SETMAR: variants seen among roughly 807,000 people sequenced by gnomAD.
SETMAR encodes histone-lysine N-methyltransferase SETMAR.
SETMAR carries 44 observed loss-of-function variants against 58.4 expected under a neutral mutation model. That is an observed-to-expected ratio of 0.75 (90% CI 0.59 to 0.97). The LOEUF (loss-of-function observed/expected upper bound fraction) is 0.97, where lower values mean the gene tolerates loss of function less well. SETMAR is among the 50% of genes least tolerant of loss of function. The pLI, the probability that SETMAR is intolerant of heterozygous loss-of-function variation, is 0.00. For missense variants in SETMAR, 903 were observed against 840.2 expected (o/e 1.07, Z -0.92); for synonymous variants, 332 against 307.4 (o/e 1.08, Z -0.84).
At position 4,316,647 on chromosome 3, in the gene SETMAR, G is replaced by T. The variant is rs759261626; in HGVS notation, c.1456G>T (p.Glu486Ter). The change falls in exon 3 of 3, where the codon GAA becomes TAA. Residue 486 changes from glutamate to a stop codon, truncating the protein, a stop_gained. Coordinates refer to ENST00000358065, the MANE Select transcript of SETMAR (RefSeq NM_006515.4). LOFTEE classifies it high-confidence loss of function. ...SSSLILRNHNEPFLDRIVTCD... is the reference protein window; with the variant it reads ...SSSLILRNHN The stretch of plus-strand genomic sequence containing the variant: ...TTCTCTTATTCTACGCAACCACAAC[G>T]AACCATTTCTCGATCGGATTGTGAC... 6.4e-7 allele frequency: 1 copy of T among 1,551,020 alleles called. No homozygotes were observed. Among genetic ancestry groups the T allele is most frequent in the Non-Finnish European group, 8.7e-7 (1 of 1,146,752 alleles).
At chr3:4,312,553 AAATT>A (rs1698448013) in intron 1 of SETMAR, among the ~76,000 whole-genome samples, 1 of 152,082 alleles carries the variant, frequency 6.6e-6, no homozygotes, top group African/African-American at 2.4e-5. Flanking sequence ...CAAATTCTAA[AAATT>A]AATCTTAGCT....
At position 4,308,481 on chromosome 3, in the gene SETMAR, T is replaced by C. The variant is rs183740813; in HGVS notation, c.157-4417T>C. Among the ~76,000 whole-genome samples, 245 of 152,348 alleles carry C rather than the reference T, an allele frequency of 1.6e-3. 1 individual carries two copies. The highest frequency in any genetic ancestry group is 5.3e-3 in the African/African-American group (221 of 41,586). On this transcript the variant is annotated intron_variant, in intron 1 of 2. Coordinates refer to ENST00000358065, the MANE Select transcript of SETMAR (RefSeq NM_006515.4). The stretch of plus-strand genomic sequence containing the variant: ...CATCTAAAAGTAATATCTAGAAGAA[T>C]TGAAAGAAGCCAATATTTTTATAAA...
At chr3:4,304,391 C>T (rs1698097224) in intron 1 of SETMAR, among the ~76,000 whole-genome samples, 1 of 152,246 alleles carries the variant, frequency 6.6e-6, no homozygotes, top group Non-Finnish European at 1.5e-5. Context: ...ATCCGCCCGC[C>T]TCGGCCTCCC....
At chr3:4,308,938 C>A (rs1390634363) in intron 1 of SETMAR, among the ~76,000 whole-genome samples, 3 of 152,126 alleles carry the variant, frequency 2.0e-5, no homozygotes, top group African/African-American at 7.2e-5. Flanking sequence ...AACATGTATC[C>A]GAAGTGGTTG....
chr3:4,305,640 T>G (rs1270245654), intron 1 of SETMAR, among the ~76,000 whole-genome samples: 1 of 152,160 alleles, frequency 6.6e-6, no homozygotes, highest in Non-Finnish European at 1.5e-5. Context: ...ATATTTTGAT[T>G]TCTTCCCTTA....
At position 4,316,084 on chromosome 3, in the gene SETMAR, T is replaced by C. The variant is rs1161628995; in HGVS notation, c.1021-128T>C. The C allele has an allele frequency of 4.2e-5, 22 of 529,040 alleles. 1 individual carries two copies. In the Middle Eastern group the frequency reaches 1.5e-3, roughly 37 times the overall value. 32.8% of individuals were successfully genotyped at this position (529,040 alleles called of 1,614,324 possible). A position where few individuals can be genotyped will look rare whatever the true frequency, so the allele number is the denominator to read the frequency against. On this transcript the variant is annotated intron_variant, in intron 2 of 2. Transcript: ENST00000358065. The stretch of plus-strand genomic sequence containing the variant: ...AAAAAAAAAAGTAACAGTTTTTGCA[T>C]TGTTGGAATTTGGTATTTGATATTG...
At position 4,303,471 on chromosome 3, in the gene SETMAR, A is replaced by C. The variant is rs1296320354; in HGVS notation, c.101A>C (p.Gln34Pro). ...GAGCAGCTGGATGTCGCGTGCGGCCAGGAAAACTTGCCGGTGGGCGCGTGG... is the reference window on the plus strand; with the variant it reads ...GAGCAGCTGGATGTCGCGTGCGGCCCGGAAAACTTGCCGGTGGGCGCGTGG... ...PTEQLDVACG[Q>P]ENLPVGAWPP... Residue 34 changes from glutamine to proline, a missense_variant, in exon 1 of 3, where the codon CAG becomes CCG. Physicochemically the swap from Gln to Pro is moderately conservative, Grantham distance 76. Transcript: ENST00000358065. 1.3e-6 allele frequency: 2 copies of C among 1,523,252 alleles called. No individual in the cohort carries two copies. The highest frequency in any genetic ancestry group is 1.8e-6 in the Non-Finnish European group (2 of 1,140,982). 94.4% of individuals were successfully genotyped at this position (1,523,252 alleles called of 1,614,324 possible).
chr3:4,313,539 T>C lies in SETMAR; in HGVS notation c.798T>C (p.Tyr266=). ...EELSYDYSGR[Y]LNLTVSEDKE... ...TCTCTTATGATTATTCAGGAAGATA[T>C]CTTAATCTAACAGTCAGTGAAGACA... Residue 266 remains tyrosine (Y), a synonymous_variant, in exon 2 of 3, where the codon TAT becomes TAC. Transcript: ENST00000358065. The C allele has an allele frequency of 1.2e-6, 2 of 1,614,044 alleles. No homozygotes were observed. Among genetic ancestry groups the C allele is most frequent in the South Asian group, 1.1e-5 (1 of 91,084 alleles).
rs140252596 is a variant in SETMAR at position 4,307,068 on chromosome 3, T to A, written c.156+3542T>A. 2.3e-4 allele frequency among the ~76,000 whole-genome samples: 35 copies of A among 152,314 alleles called. No homozygotes were observed. The East Asian group carries it at 5.4e-3, about 23-fold the overall frequency. ...GCTGCTTGGAGGAAAAACAAACTTA[T>A]GAGGCTAGAGGCCAAGTACAAAGAT... is the stretch of plus-strand genomic sequence containing the variant. On this transcript the variant is annotated intron_variant, in intron 1 of 2. Transcript: ENST00000358065.
chr3:4,305,789 A>G (rs184692064), intron 1 of SETMAR, among the ~76,000 whole-genome samples: 16 of 152,324 alleles, frequency 1.1e-4, no homozygotes, highest in Admixed American at 9.1e-4. Context: ...TTTGGGCAAG[A>G]TAAGAAAAAA....
rs1422886119 is a variant in SETMAR, at chr3:4,313,219, C to A, written c.478C>A (p.Pro160Thr). The change falls in exon 2 of 3, where the codon CCG becomes ACG. Residue 160 changes from proline (P) to threonine (T), a missense_variant. Coordinates refer to ENST00000358065, the MANE Select transcript of SETMAR (RefSeq NM_006515.4). The stretch of plus-strand genomic sequence containing the variant: ...GGGACTTCGTACCTTGGAATTTATA[C>A]CGAAAGGAAGGTTTGTCTGTGAATA... Reference protein sequence around the residue: ...GWGLRTLEFIPKGRFVCEYAG... With the variant: ...GWGLRTLEFITKGRFVCEYAG... 1 of 1,613,858 alleles carries A rather than the reference C, an allele frequency of 6.2e-7. No individual in the cohort carries two copies. Among genetic ancestry groups the A allele is most frequent in the Non-Finnish European group, 8.5e-7 (1 of 1,179,972 alleles).
chr3:4,304,198 C>G (rs112841759), intron 1 of SETMAR: 6 of 154,678 alleles, frequency 3.9e-5, no homozygotes, highest in Admixed American at 6.5e-5. Flanking sequence ...CTGGAGTGCA[C>G]TGGCGCGATC....
intron 2 of SETMAR, chr3:4,314,028 A>C: frequency 1.8e-6 from 1 of 564,540 alleles, no homozygotes; most frequent in Non-Finnish European, 3.1e-6. Context: ...CAAGTCCTTA[A>C]ATGGAGATAT....
At chr3:4,305,424 C>G (rs1218972809) in intron 1 of SETMAR, among the ~76,000 whole-genome samples, 1 of 152,018 alleles carries the variant, frequency 6.6e-6, no homozygotes, top group African/African-American at 2.4e-5. Flanking sequence ...GAGGAGACTC[C>G]CAGCTGACTT....
At chr3:4,304,973 G>C (rs991588388) in intron 1 of SETMAR, among the ~76,000 whole-genome samples, 4 of 151,478 alleles carry the variant, frequency 2.6e-5, no homozygotes, top group East Asian at 1.9e-4. Flanking sequence ...TCAAAGTGGT[G>C]GGGGGGGCTT....
chr3:4,303,591 C>T (rs1371176410), intron 1 of SETMAR, 65 bp downstream of exon 1: 3 of 1,375,784 alleles, frequency 2.2e-6, no homozygotes, highest in South Asian at 1.7e-5. Context: ...CTCCTCAAGC[C>T]GCCTCGCTGG....
intron 1 of SETMAR, among the ~76,000 whole-genome samples, chr3:4,306,240 G>T (rs1184675742): frequency 6.6e-6 from 1 of 151,946 alleles, no homozygotes; most frequent in African/African-American, 2.4e-5. Context: ...AAAACTATGT[G>T]CCCGACGTAT....
intron 2 of SETMAR, 143 bp from the exon 3 acceptor site, chr3:4,316,066 AAAG>A (rs1698629028): frequency 9.4e-6 from 5 of 534,068 alleles, no homozygotes; most frequent in South Asian, 2.5e-5. Context: ...AAAAAAAAAA[AAAG>A]TAACAGTTTT....
intron 1 of SETMAR, among the ~76,000 whole-genome samples, chr3:4,310,229 G>A (rs1698352456): frequency 6.6e-6 from 1 of 152,104 alleles, no homozygotes; most frequent in East Asian, 1.9e-4. Context: ...GTAAATATTT[G>A]AATAGAATGT....
Sources: allele counts gnomAD v4.1 joint callset (sites outside exome capture counted in the v4.1 genomes callset), GRCh38; gene constraint gnomAD v4.1.1; transcripts MANE v1.5; gene names NCBI Gene and HGNC (gene_info 2026-07-23, HGNC 2026-07-21).